The following CNTN4 variants were observed in gnomAD, a reference collection of about 807,000 sequenced individuals.
CNTN4 encodes contactin-4.
CNTN4 carries 77 observed loss-of-function variants against 122.5 expected under a neutral mutation model. The ratio of observed to expected loss-of-function variants is 0.63; its 90% confidence interval spans 0.52 to 0.76. The LOEUF (loss-of-function observed/expected upper bound fraction) is 0.76. CNTN4 is among the 30% of genes least tolerant of loss of function. The pLI is 0.00. For missense variants in CNTN4, 1,256 were observed against 1,259.1 expected, an observed-to-expected ratio of 1.00 and a Z score of 0.04; for synonymous variants, 512 against 447.0, an observed-to-expected ratio of 1.15 and a Z score of -1.83.
intron 4 of CNTN4, among the ~76,000 whole-genome samples, chr3:2,673,345 T>G (rs2084647434): frequency 6.6e-6 from 1 of 152,130 alleles, no homozygotes; most frequent in African/African-American, 2.4e-5. Flanking sequence ...TAGATCGCTC[T>G]TGCAGAGACT....
intron 6 of CNTN4, among the ~76,000 whole-genome samples, chr3:2,782,792 C>T (rs1375811412): frequency 6.6e-6 from 1 of 152,094 alleles, no homozygotes; most frequent in East Asian, 1.9e-4. Context: ...AAAAAGAAGG[C>T]ATGTATCCTG....
intron 6 of CNTN4, among the ~76,000 whole-genome samples, chr3:2,785,225 T>C (rs945315237): frequency 6.6e-6 from 1 of 152,144 alleles, no homozygotes; most frequent in African/African-American, 2.4e-5. Flanking sequence ...CATGACCTTC[T>C]GCCTGCAAGG....
At chr3:2,618,689 A>G (rs2069465822) in intron 4 of CNTN4, among the ~76,000 whole-genome samples, 1 of 152,172 alleles carries the variant, frequency 6.6e-6, no homozygotes, top group Non-Finnish European at 1.5e-5. Context: ...TTTAATCAGT[A>G]TCTCCTACTG....
chr3:2,711,402 G>C (rs1410176727), intron 4 of CNTN4, among the ~76,000 whole-genome samples: 1 of 152,104 alleles, frequency 6.6e-6, no homozygotes, highest in Non-Finnish European at 1.5e-5. Flanking sequence ...TTAAATGTTA[G>C]AAACTCATTT....
At chr3:2,741,485 T>C (rs1457531485) in intron 5 of CNTN4, among the ~76,000 whole-genome samples, 1 of 152,336 alleles carries the variant, frequency 6.6e-6, no homozygotes, top group African/African-American at 2.4e-5. Flanking sequence ...CTGAGGTCAC[T>C]TTTTAAAGCA....
intron 2 of CNTN4, among the ~76,000 whole-genome samples, chr3:2,188,638 G>T (rs1274194587): frequency 2.0e-5 from 3 of 152,164 alleles, no homozygotes; most frequent in African/African-American, 4.8e-5. Context: ...TAATCTGAGG[G>T]AGAGAGGGTT....
At chr3:2,745,390 C>A in intron 5 of CNTN4, 132 bp from the exon 6 acceptor site, 1 of 775,634 alleles carries the variant, frequency 1.3e-6, no homozygotes, top group Non-Finnish European at 2.2e-6. Flanking sequence ...GCATTTCTAA[C>A]TTCTTAATCA....
At chr3:3,027,007 A>G (rs1048408071) in intron 15 of CNTN4, among the ~76,000 whole-genome samples, 5 of 152,174 alleles carry the variant, frequency 3.3e-5, no homozygotes, top group African/African-American at 1.2e-4. Context: ...GAGTCCAGCC[A>G]AAACATAGCG....
At chr3:2,926,706 A>G (rs1401673122) in intron 13 of CNTN4, among the ~76,000 whole-genome samples, 1 of 152,210 alleles carries the variant, frequency 6.6e-6, no homozygotes, top group Non-Finnish European at 1.5e-5. Flanking sequence ...TTGCATATAC[A>G]TATTAGACCT....
intron 4 of CNTN4, among the ~76,000 whole-genome samples, chr3:2,717,092 A>G (rs1369054227): frequency 6.6e-6 from 1 of 152,176 alleles, no homozygotes; most frequent in African/African-American, 2.4e-5. Flanking sequence ...AAAAGTGTTT[A>G]TGCAGACCTG....
At chr3:2,344,021 T>C (rs751792050) in intron 3 of CNTN4, among the ~76,000 whole-genome samples, 1 of 152,076 alleles carries the variant, frequency 6.6e-6, no homozygotes, top group Non-Finnish European at 1.5e-5. Flanking sequence ...CATGAACTAA[T>C]ACAGCAGGAA....
intron 3 of CNTN4, among the ~76,000 whole-genome samples, chr3:2,494,028 A>AT (rs74511445): frequency 0.018 from 2,640 of 146,080 alleles, 85 homozygotes; most frequent in African/African-American, 0.061. Context: ...GTTTATTAGG[A>AT]TTTTTTTTTT....
intron 6 of CNTN4, among the ~76,000 whole-genome samples, chr3:2,804,069 AC>A (rs2092408958): frequency 4.5e-5 from 3 of 66,562 alleles, no homozygotes; most frequent in Non-Finnish European, 9.3e-5. Context: ...ATGTCTGCAC[AC>A]ACACACACAC....
intron 13 of CNTN4, among the ~76,000 whole-genome samples, chr3:2,928,936 G>A (rs369676833): frequency 1.8e-3 from 270 of 152,226 alleles, no homozygotes; most frequent in African/African-American, 6.1e-3. Flanking sequence ...TAACATGTTC[G>A]TTATCTTAAA....
intron 3 of CNTN4, among the ~76,000 whole-genome samples, chr3:2,500,881 A>T (rs778495160): frequency 1.3e-5 from 2 of 152,110 alleles, no homozygotes; most frequent in South Asian, 2.1e-4. Flanking sequence ...GATAAGGAAC[A>T]TTTTCTTCCC....
At chr3:2,410,461 A>G (rs1466227125) in intron 3 of CNTN4, among the ~76,000 whole-genome samples, 1 of 152,226 alleles carries the variant, frequency 6.6e-6, no homozygotes, top group Non-Finnish European at 1.5e-5. Context: ...ATAGAAAATG[A>G]TATAAAATTA....
chr3:2,151,888 C>G (rs1302102903), intron 2 of CNTN4, among the ~76,000 whole-genome samples: 1 of 152,190 alleles, frequency 6.6e-6, no homozygotes, highest in South Asian at 2.1e-4. Context: ...GCCTTCATAA[C>G]TGTAAGAAAT....
At chr3:2,876,090 T>C (rs2093841416) in intron 8 of CNTN4, among the ~76,000 whole-genome samples, 1 of 152,196 alleles carries the variant, frequency 6.6e-6, no homozygotes, top group Non-Finnish European at 1.5e-5. Flanking sequence ...TTTATTTTCA[T>C]CTCTCACAGG....
At chr3:2,203,330 G>T (rs1271932236) in intron 2 of CNTN4, among the ~76,000 whole-genome samples, 2 of 152,040 alleles carry the variant, frequency 1.3e-5, no homozygotes, top group Non-Finnish European at 2.9e-5. Flanking sequence ...CTGTTTAAAA[G>T]ATACTATGCT....
Sources: gnomAD v4.1 joint callset for allele counts (sites outside exome capture counted in the v4.1 genomes callset) on GRCh38, gnomAD v4.1.1 for gene constraint, MANE v1.5 for transcripts, NCBI Gene and HGNC (gene_info 2026-07-23, HGNC 2026-07-21) for gene names.